Variants in FCHSD2 observed in about 807,000 individuals in gnomAD.
FCHSD2 encodes the protein F-BAR and double SH3 domains protein 2.
Under a neutral mutation model 108.1 loss-of-function variants are expected in FCHSD2, and 38 were observed. The observed-to-expected ratio is 0.35, with a 90% CI of 0.27 to 0.46. FCHSD2 has a LOEUF of 0.46. Among genes scored for constraint, FCHSD2 ranks in the 20% least tolerant of loss-of-function variants. The pLI, the probability that FCHSD2 is intolerant of heterozygous loss-of-function variation, is 1.00. For synonymous variants in FCHSD2, 279 were observed against 314.7 expected (o/e 0.89, Z 1.20); for missense variants, 751 against 897.8 (o/e 0.84, Z 2.09).
At chr11:72,930,690 C>T (rs189863288) in intron 8 of FCHSD2, among the ~76,000 whole-genome samples, 1 of 152,256 alleles carries the variant, frequency 6.6e-6, no homozygotes, top group East Asian at 1.9e-4. Flanking sequence ...CTACAGTAAG[C>T]CAAAATCGTG....
At position 72,898,728 on chromosome 11, in the gene FCHSD2, ATT is replaced by A. The variant is rs35118990; in HGVS notation, c.924+3813_924+3814del. Among the ~76,000 whole-genome samples the A allele has an allele frequency of 4.9e-3, 679 of 137,748 alleles. 1 individual carries two copies. The highest frequency in any genetic ancestry group is 7.7e-3 in the East Asian group (37 of 4,806). 90.4% of individuals were successfully genotyped at this position (137,748 alleles called of 152,430 possible). A position where few individuals can be genotyped will look rare whatever the true frequency, so the allele number is the denominator to read the frequency against. On this transcript the variant is annotated intron_variant, in intron 10 of 19. Coordinates refer to ENST00000409418, the MANE Select transcript of FCHSD2 (RefSeq NM_014824.3). ...AGCAAAGCAAATTGCTTTTCTTTCT[ATT>A]TTTTTTTTTTTTTTTTAAAGACAGG...
At chr11:72,877,645 C>T (rs1854997374) in intron 12 of FCHSD2, among the ~76,000 whole-genome samples, 1 of 152,132 alleles carries the variant, frequency 6.6e-6, no homozygotes, top group Admixed American at 6.6e-5. Flanking sequence ...CAATAGTTTA[C>T]TATTAATAGC....
In FCHSD2 at chr11:73,003,647, C is replaced by T. The variant is rs1406537657; in HGVS notation, c.243-2513G>A. Among the ~76,000 whole-genome samples the T allele has an allele frequency of 6.6e-5, 10 of 151,122 alleles. No individual in the cohort carries two copies. The South Asian group carries it at 8.4e-4, about 13-fold the overall frequency. ...GACTACAGGCGCCCGCCACTACGCCCGGCTAATTTTTTGTATTTTTAGTAG... is the reference window on the plus strand; with the variant it reads ...GACTACAGGCGCCCGCCACTACGCCTGGCTAATTTTTTGTATTTTTAGTAG... On this transcript the variant is annotated intron_variant, in intron 4 of 19. Coordinates refer to ENST00000409418, the MANE Select transcript of FCHSD2 (RefSeq NM_014824.3).
intron 8 of FCHSD2, among the ~76,000 whole-genome samples, chr11:72,941,495 TA>T (rs1856418118): frequency 6.6e-6 from 1 of 151,986 alleles, no homozygotes; most frequent in African/African-American, 2.4e-5. Flanking sequence ...ATATATTACT[TA>T]TTATTACTTT....
At chr11:72,948,819 C>G (rs889892769) in intron 8 of FCHSD2, among the ~76,000 whole-genome samples, 2 of 152,028 alleles carry the variant, frequency 1.3e-5, no homozygotes, top group Admixed American at 1.3e-4. Context: ...GTGCCCGCCA[C>G]TACGCCTGGC....
chr11:73,028,547 G>A (rs1005915678), intron 3 of FCHSD2, among the ~76,000 whole-genome samples: 8 of 152,150 alleles, frequency 5.3e-5, no homozygotes, highest in Non-Finnish European at 1.2e-4. Context: ...CTTTGGCCTT[G>A]GACTTTTGGG....
chr11:73,116,556 G>C (rs1860606137), intron 2 of FCHSD2, among the ~76,000 whole-genome samples: 1 of 149,712 alleles, frequency 6.7e-6, no homozygotes, highest in Non-Finnish European at 1.5e-5. Flanking sequence ...TTTTTTCTTT[G>C]AGATGGGGTC....
intron 4 of FCHSD2, among the ~76,000 whole-genome samples, chr11:73,003,488 A>ATTTT (rs574233006): frequency 8.6e-5 from 12 of 139,356 alleles, no homozygotes; most frequent in African/African-American, 3.2e-4. Flanking sequence ...TCATAGAGTG[A>ATTTT]TTTTTTTTTT....
intron 12 of FCHSD2, among the ~76,000 whole-genome samples, chr11:72,871,217 T>C (rs1854850908): frequency 6.6e-6 from 1 of 152,190 alleles, no homozygotes; most frequent in South Asian, 2.1e-4. Context: ...CTGTGACAGC[T>C]TCTGCTTCTA....
At chr11:72,969,702 A>G (rs1288286911) in intron 8 of FCHSD2, among the ~76,000 whole-genome samples, 1 of 152,244 alleles carries the variant, frequency 6.6e-6, no homozygotes, top group Non-Finnish European at 1.5e-5. Flanking sequence ...AACAAATAAA[A>G]TGGCTTAACA....
intron 8 of FCHSD2, among the ~76,000 whole-genome samples, chr11:72,922,799 T>C (rs1208110831): frequency 6.6e-6 from 1 of 152,196 alleles, no homozygotes; most frequent in African/African-American, 2.4e-5. Flanking sequence ...ATTCACCCAA[T>C]ATAAGTCACC....
At chr11:72,902,744 C>T in intron 9 of FCHSD2, 106 bp from the exon 10 acceptor site, 1 of 634,480 alleles carries the variant, frequency 1.6e-6, no homozygotes, top group Non-Finnish European at 2.6e-6. Flanking sequence ...AATGAGAAAT[C>T]ATCCAACACT....
chr11:72,964,937 C>T (rs1856878965), intron 8 of FCHSD2, among the ~76,000 whole-genome samples: 1 of 151,956 alleles, frequency 6.6e-6, no homozygotes, highest in Non-Finnish European at 1.5e-5. Context: ...CTACAGGCGC[C>T]CGCCACCACA....
intron 3 of FCHSD2, among the ~76,000 whole-genome samples, chr11:73,027,979 T>C (rs549115079): frequency 4.6e-5 from 7 of 152,228 alleles, no homozygotes; most frequent in Non-Finnish European, 8.8e-5. Context: ...TTTCAGAGAA[T>C]GTATGGAAAC....
intron 8 of FCHSD2, among the ~76,000 whole-genome samples, chr11:72,953,628 G>GAAA (rs5792607): frequency 6.7e-6 from 1 of 148,716 alleles, no homozygotes; most frequent in Non-Finnish European, 1.5e-5. Context: ...CTGCATGGGG[G>GAAA]AAAAAAAAAA....
chr11:72,947,670 C>T (rs1330716917), intron 8 of FCHSD2, among the ~76,000 whole-genome samples: 4 of 152,024 alleles, frequency 2.6e-5, no homozygotes, highest in East Asian at 3.8e-4. Context: ...TTTAAATCTC[C>T]CAAAAGTTAG....
chr11:73,037,975 CAT>C, intron 3 of FCHSD2, among the ~76,000 whole-genome samples: 1 of 152,132 alleles, frequency 6.6e-6, no homozygotes. Flanking sequence ...ATATGTGAAA[CAT>C]AGGGATTACT....
intron 3 of FCHSD2, among the ~76,000 whole-genome samples, chr11:73,082,112 C>T (rs1278817255): frequency 2.6e-5 from 4 of 151,820 alleles, no homozygotes; most frequent in African/African-American, 7.3e-5. Flanking sequence ...CCGAGGTAGG[C>T]GGATCACGTG....
intron 13 of FCHSD2, among the ~76,000 whole-genome samples, chr11:72,859,811 C>T (rs1447264308): frequency 1.3e-5 from 2 of 152,186 alleles, no homozygotes; most frequent in African/African-American, 4.8e-5. Context: ...ATCCTCAGAA[C>T]TCACACAGGT....
Sources: gnomAD v4.1 joint callset for allele counts (sites outside exome capture counted in the v4.1 genomes callset) on GRCh38, gnomAD v4.1.1 for gene constraint, MANE v1.5 for transcripts, NCBI Gene and HGNC (gene_info 2026-07-23, HGNC 2026-07-21) for gene names.